PRDX4: variants seen among roughly 807,000 people sequenced by gnomAD.
PRDX4 encodes the protein peroxiredoxin-4.
PRDX4 carries 12 observed loss-of-function variants against 20.5 expected under a neutral mutation model. The observed-to-expected ratio is 0.58, with a 90% CI of 0.37 to 0.95. PRDX4 has a LOEUF of 0.95. Ranked by LOEUF, PRDX4 falls within the 40% of genes least tolerant of loss-of-function variation. The pLI is 0.01. For synonymous variants in PRDX4, 99 were observed against 87.5 expected (o/e 1.13, Z -0.73); for missense variants, 180 against 207.3 (o/e 0.87, Z 0.81).
At position 23,667,806 on chromosome X, in the gene PRDX4, C is replaced by T. The variant is rs762458346; in HGVS notation, c.236C>T (p.Ala79Val). 3 of 1,210,801 alleles carry T rather than the reference C, an allele frequency of 2.5e-6. No individual in the cohort carries two copies. The highest frequency in any genetic ancestry group is 4.3e-5 in the Admixed American group (2 of 46,038). ...GACCACTCCCTGCACCTAAGCAAAG[C>T]GAAGAGTAGGTGGTGTCCCGCCAAA... The part of the protein sequence containing the change: ...VADHSLHLSK[A>V]KISKPAPYWE... The change falls in exon 1 of 7, where the codon GCG becomes GTG. Residue 79 changes from alanine (A) to valine (V), a missense_variant. Physicochemically the swap from Ala to Val is moderately conservative, Grantham distance 64 (BLOSUM62 0). Around this residue, in one of 3 missense-constraint regions of PRDX4, gnomAD observed 105 missense variants for 114.2 expected, o/e 0.92. Coordinates refer to ENST00000379341, the MANE Select transcript of PRDX4 (RefSeq NM_006406.2).
intron 3 of PRDX4, among the ~76,000 whole-genome samples, chrX:23,678,704 G>A (rs776050033): frequency 9.0e-6 from 1 of 111,094 alleles, no homozygotes; most frequent in African/African-American, 3.3e-5. Flanking sequence ...GGAGGGTGAA[G>A]CAGGAGGATT....
At chrX:23,678,416 G>T (rs757498019) in intron 3 of PRDX4, among the ~76,000 whole-genome samples, 2 of 110,915 alleles carry the variant, frequency 1.8e-5, no homozygotes, top group East Asian at 5.7e-4. Context: ...GATCACCTGA[G>T]GTCAGGAGTT....
intron 5 of PRDX4, among the ~76,000 whole-genome samples, chrX:23,682,841 AAAAAAAAAAAAAAT>A (rs1928102346): frequency 2.1e-5 from 1 of 46,989 alleles, no homozygotes; most frequent in African/African-American, 6.6e-5. Flanking sequence ...AAAAAAAAAA[AAAAAAAAAAAAAAT>A]ATATATATAT....
At chrX:23,677,881 G>A (rs1423071101) in intron 3 of PRDX4, among the ~76,000 whole-genome samples, 2 of 112,083 alleles carry the variant, frequency 1.8e-5, no homozygotes, top group Non-Finnish European at 3.8e-5. Flanking sequence ...CCTGACTTAC[G>A]ATGGTTTGAC....
intron 5 of PRDX4, 147 bp downstream of exon 5, chrX:23,682,673 A>G: frequency 2.5e-6 from 1 of 400,124 alleles, no homozygotes; most frequent in Non-Finnish European, 3.6e-6. Context: ...CCAAATTATA[A>G]TTTACAGTGC....
chrX:23,678,906 T>C (rs1425169950), intron 3 of PRDX4, among the ~76,000 whole-genome samples: 2 of 111,634 alleles, frequency 1.8e-5, no homozygotes, highest in African/African-American at 6.5e-5. Context: ...GTCACTGCCC[T>C]GCAGCCTGGG....
Position 23,679,217 on chromosome X carries a change from C to G in PRDX4, c.529C>G (p.Leu177Val), listed in dbSNP as rs1928011593. ...ACTTGGGCCAATAAGGATTCCACTT[C>G]TTTCAGATTTGACCCATCAGATCTC... Reference protein sequence around the residue: ...GGLGPIRIPLLSDLTHQISKD... With the variant: ...GGLGPIRIPLVSDLTHQISKD... Residue 177 changes from leucine to valine, a missense_variant, in exon 4 of 7, where the codon CTT becomes GTT. Physicochemically the swap from Leu to Val is conservative, Grantham distance 32 (BLOSUM62 1). Transcript: ENST00000379341. The G allele has an allele frequency of 8.3e-7, 1 of 1,207,298 alleles. No individual in the cohort carries two copies. The highest frequency in any genetic ancestry group is 1.7e-5 in the African/African-American group (1 of 57,657).
chrX:23,667,519 G>C lies in PRDX4; in HGVS notation c.-52G>C. ...TGCACGCGGTTGTAGCTGCCCGGCG[G>C]CGGCAGAAGCGGCGCTCGCGCCAAG... On this transcript the variant is annotated 5_prime_UTR_variant, in exon 1 of 7. Transcript: ENST00000379341. 1 of 1,127,080 alleles carries C rather than the reference G, an allele frequency of 8.9e-7. No homozygotes were observed. Among genetic ancestry groups the C allele is most frequent in the African/African-American group, 1.8e-5 (1 of 55,503 alleles). The allele number at this position is 1,127,080 out of a possible 1,213,427, so 92.9% of individuals were successfully genotyped here.
At chrX:23,671,710 C>G in intron 2 of PRDX4, 64 bp downstream of exon 2, 1 of 853,532 alleles carries the variant, frequency 1.2e-6, no homozygotes, top group Non-Finnish European at 1.6e-6. Flanking sequence ...TCAGGAGTAT[C>G]AAACAAATTA....
intron 5 of PRDX4, among the ~76,000 whole-genome samples, chrX:23,682,797 C>A (rs6629719): frequency 0.2 from 15,275 of 75,409 alleles, 1,525 homozygotes; most frequent in African/African-American, 0.31. Flanking sequence ...CCTGGGCAAC[C>A]CAGTGAAACC....
At chrX:23,682,853 A>AAATATATATATATATATAT (rs1555933130) in intron 5 of PRDX4, among the ~76,000 whole-genome samples, 1 of 14,878 alleles carries the variant, frequency 6.7e-5, no homozygotes, top group Non-Finnish European at 1.3e-4. Context: ...AAAAAAAAAA[A>AAATATATATATATATATAT]ATATATATAT....
At position 23,682,517 on chromosome X, in the gene PRDX4, C is replaced by G; in HGVS notation, c.721C>G (p.His241Asp). ...LVQAFQYTDK[H>D]GEVCPAGWKP... is the part of the protein sequence containing the mutation. ...TCAAGCATTCCAGTACACTGACAAA[C>G]ACGGAGAAGGTACCTCTCCCTTCTA... Residue 241 changes from histidine to aspartate, a missense_variant, in exon 5 of 7, where the codon CAC becomes GAC. Transcript: ENST00000379341. The G allele has an allele frequency of 2.6e-6, 3 of 1,161,846 alleles. No individual in the cohort carries two copies. Among genetic ancestry groups the G allele is most frequent in the Non-Finnish European group, 3.5e-6 (3 of 867,139 alleles).
chrX:23,684,047 C>CAAAA (rs3063544), intron 6 of PRDX4, among the ~76,000 whole-genome samples: 596 of 58,174 alleles, frequency 0.01, 17 homozygotes, highest in African/African-American at 0.038. Flanking sequence ...GACTCCTTCT[C>CAAAA]AAAAAAAAAA....
chrX:23,674,536 T>C (rs1601790201), intron 2 of PRDX4, among the ~76,000 whole-genome samples: 2 of 109,301 alleles, frequency 1.8e-5, no homozygotes, highest in Admixed American at 2.0e-4. Flanking sequence ...CTGGAAAACA[T>C]TGCCTCCTCT....
chrX:23,686,321 G>A lies in PRDX4; in HGVS notation c.802G>A (p.Asp268Asn), dbSNP rs866087799. The A allele has an allele frequency of 2.6e-6, 3 of 1,170,535 alleles. No individual in the cohort carries two copies. Among genetic ancestry groups the A allele is most frequent in the African/African-American group, 3.6e-5 (2 of 55,924 alleles). Residue 268 changes from aspartate (D) to asparagine (N), a missense_variant, in exon 7 of 7, where the codon GAT (aspartate) becomes AAT (asparagine). Around this residue, in one of 3 missense-constraint regions of PRDX4, gnomAD observed 73 missense variants for 76.5 expected, o/e 0.95. Coordinates refer to ENST00000379341, the MANE Select transcript of PRDX4 (RefSeq NM_006406.2). ...TCCAGCTGGAAAGCTGAAGTATTTC[G>A]ATAAACTGAATTGAGAAATACTTCT... is the stretch of plus-strand genomic sequence containing the variant. ...PDPAGKLKYFDKLN is the reference protein window; with the variant it reads ...PDPAGKLKYFNKLN
At chrX:23,675,537 T>TA in intron 3 of PRDX4, 1 of 125,530 alleles carries the variant, frequency 8.0e-6, no homozygotes, top group Non-Finnish European at 1.6e-5. Context: ...AAATGAATTT[T>TA]AAAAAATGTT....
rs750911570 is a variant in PRDX4 at position 23,683,972 on chromosome X, CG to C, written c.765+270del. Among the ~76,000 whole-genome samples, 39 of 97,479 alleles carry C rather than the reference CG, an allele frequency of 4.0e-4. No homozygotes were observed. In the East Asian group the frequency reaches 0.012, roughly 31 times the overall value. The allele number at this position is 97,479 out of a possible 115,157, so 84.6% of individuals were successfully genotyped here. On this transcript the variant is annotated intron_variant, in intron 6 of 6. Coordinates refer to ENST00000379341, the MANE Select transcript of PRDX4 (RefSeq NM_006406.2). ...CTGAGGCAGGAGAATGGCATGAACC[CG>C]GGAGGTGGAGGTTGCAGTGAGCCGA... is the stretch of plus-strand genomic sequence containing the variant.
At chrX:23,680,068 C>G (rs1459267595) in intron 4 of PRDX4, among the ~76,000 whole-genome samples, 1 of 112,550 alleles carries the variant, frequency 8.9e-6, no homozygotes, top group African/African-American at 3.2e-5. Context: ...TTATATTACC[C>G]TGATTAAACT....
At chrX:23,679,005 A>T (rs891403943) in intron 3 of PRDX4, among the ~76,000 whole-genome samples, 160 bp from the exon 4 acceptor site, 12 of 112,534 alleles carry the variant, frequency 1.1e-4, no homozygotes, top group African/African-American at 3.9e-4. Flanking sequence ...GAATATATTA[A>T]ATGGGAAAAG....
Sources: allele counts gnomAD v4.1 joint callset (sites outside exome capture counted in the v4.1 genomes callset), GRCh38; gene constraint gnomAD v4.1.1; regional missense constraint gnomAD v4.1.1; transcripts MANE v1.5; gene names NCBI Gene and HGNC (gene_info 2026-07-23, HGNC 2026-07-21).